The following GRM5 variants were observed in gnomAD, a reference collection of about 807,000 sequenced individuals.
GRM5 encodes metabotropic glutamate receptor 5.
A neutral mutation model predicts 83.1 loss-of-function variants in GRM5; 19 were observed. The ratio of observed to expected loss-of-function variants is 0.23; its 90% CI spans 0.16 to 0.34. The LOEUF (loss-of-function observed/expected upper bound fraction) is 0.34. Among genes scored for constraint, GRM5 ranks in the 10% least tolerant of loss-of-function variants. The probability of loss-of-function intolerance (pLI) is 1.00; values close to 1 mark genes in which losing one functional copy is unlikely to be tolerated. For missense variants in GRM5, 1,160 were observed against 1,588.3 expected, an observed-to-expected ratio of 0.73 and a Z score of 4.58; for synonymous variants, 675 against 633.6, an observed-to-expected ratio of 1.07 and a Z score of -0.98.
chr11:88,505,650 A>G lies in GRM5; in HGVS notation c.*2942T>C, dbSNP rs935101329. 6.6e-6 allele frequency: 1 copy of G among 152,160 alleles called. No individual in the cohort carries two copies. Among genetic ancestry groups the G allele is most frequent in the African/African-American group, 2.4e-5 (1 of 41,440 alleles). 9.4% of individuals were successfully genotyped at this position (152,160 alleles called of 1,614,324 possible). On this transcript the variant is annotated 3_prime_UTR_variant, in exon 10 of 10. Coordinates refer to ENST00000305447, the MANE Select transcript of GRM5 (RefSeq NM_001143831.3). ...TAGGCTGCCCCCACTCCTTTCCCAAAATGGAAGGATGAGTGGACTGCTTAG... is the reference window on the plus strand; with the variant it reads ...TAGGCTGCCCCCACTCCTTTCCCAAGATGGAAGGATGAGTGGACTGCTTAG...
intron 2 of GRM5, among the ~76,000 whole-genome samples, chr11:88,963,716 A>T (rs926088346): frequency 1.3e-5 from 2 of 152,096 alleles, no homozygotes; most frequent in Admixed American, 6.6e-5. Flanking sequence ...ATGGTATGTG[A>T]CCCTTTATTC....
At chr11:88,518,889 G>A (rs892636812) in intron 9 of GRM5, among the ~76,000 whole-genome samples, 1 of 150,648 alleles carries the variant, frequency 6.6e-6, no homozygotes, top group African/African-American at 2.4e-5. Flanking sequence ...AATTATCCAG[G>A]CACTTTTATT....
At chr11:88,828,329 T>C (rs1401959698) in intron 3 of GRM5, among the ~76,000 whole-genome samples, 1 of 152,198 alleles carries the variant, frequency 6.6e-6, no homozygotes, top group Non-Finnish European at 1.5e-5. Context: ...AGAATCCAGA[T>C]ATAATTGTTT....
chr11:89,023,544 G>A (rs1476417508), intron 2 of GRM5, among the ~76,000 whole-genome samples: 2 of 151,904 alleles, frequency 1.3e-5, no homozygotes, highest in African/African-American at 4.8e-5. Context: ...CCTTACAGTG[G>A]GTCAGTTAAG....
chr11:88,986,146 T>C (rs1939702060), intron 2 of GRM5, among the ~76,000 whole-genome samples: 1 of 152,188 alleles, frequency 6.6e-6, no homozygotes. Context: ...ATCCATCTCA[T>C]GGAGTACTAT....
intron 4 of GRM5, among the ~76,000 whole-genome samples, chr11:88,642,873 A>G (rs12278130): frequency 0.038 from 5,709 of 152,220 alleles, 343 homozygotes; most frequent in African/African-American, 0.13. Flanking sequence ...GGTCACTAAC[A>G]TTTAACTAGT....
chr11:88,601,770 A>G lies in GRM5; in HGVS notation c.1394+2948T>C, dbSNP rs529889948. On this transcript the variant is annotated intron_variant, in intron 5 of 9. Transcript: ENST00000305447. ...CACGCATCTTAAACTTTAATTCTCA[A>G]TGGAGTCCCTAAACCCGAGATTAGC... is the stretch of plus-strand genomic sequence containing the variant. 3.3e-5 allele frequency among the ~76,000 whole-genome samples: 5 copies of G among 152,272 alleles called. No individual in the cohort carries two copies. In the South Asian group the frequency reaches 6.2e-4, roughly 19 times the overall value.
chr11:88,877,428 A>C (rs1442599139), intron 2 of GRM5, among the ~76,000 whole-genome samples: 1 of 152,148 alleles, frequency 6.6e-6, no homozygotes, highest in East Asian at 1.9e-4. Flanking sequence ...TGAGAATATG[A>C]AATGGTATAG....
intron 8 of GRM5, among the ~76,000 whole-genome samples, chr11:88,564,763 G>T (rs1591351835): frequency 6.6e-6 from 1 of 152,214 alleles, no homozygotes; most frequent in East Asian, 1.9e-4. Flanking sequence ...GCAAGGTAAA[G>T]AAGGCCTCCA....
At chr11:88,732,294 C>T (rs906589702) in intron 3 of GRM5, among the ~76,000 whole-genome samples, 6 of 151,970 alleles carry the variant, frequency 3.9e-5, no homozygotes, top group Middle Eastern at 3.2e-3. Flanking sequence ...TAATGTTTTT[C>T]GAATGAATGA....
chr11:88,648,251 T>C (rs1038598199), intron 4 of GRM5, among the ~76,000 whole-genome samples: 26 of 149,462 alleles, frequency 1.7e-4, no homozygotes, highest in African/African-American at 4.6e-4. Context: ...TTGGAACCAA[T>C]CCAAATGTCC....
chr11:88,966,752 T>TC (rs1938979886), intron 2 of GRM5, among the ~76,000 whole-genome samples: 1 of 152,206 alleles, frequency 6.6e-6, no homozygotes, highest in South Asian at 2.1e-4. Context: ...CTTTGAAGTC[T>TC]CCCCCCTGGG....
At chr11:88,641,947 C>T (rs1294739251) in intron 4 of GRM5, among the ~76,000 whole-genome samples, 2 of 152,162 alleles carry the variant, frequency 1.3e-5, no homozygotes, top group African/African-American at 2.4e-5. Context: ...CACAGTTGCA[C>T]TAGGCAGTTC....
At chr11:88,750,588 A>C (rs1942248074) in intron 3 of GRM5, among the ~76,000 whole-genome samples, 2 of 151,620 alleles carry the variant, frequency 1.3e-5, no homozygotes, top group South Asian at 4.1e-4. Flanking sequence ...AGTGGCCCTG[A>C]TAGATATCTA....
intron 3 of GRM5, among the ~76,000 whole-genome samples, chr11:88,737,211 T>A (rs754529510): frequency 1.3e-5 from 2 of 152,052 alleles, no homozygotes; most frequent in African/African-American, 4.8e-5. Flanking sequence ...AGACACAGAT[T>A]TCATTGTGGA....
intron 4 of GRM5, among the ~76,000 whole-genome samples, chr11:88,609,016 C>A (rs1938244527): frequency 6.6e-6 from 1 of 152,066 alleles, no homozygotes; most frequent in Non-Finnish European, 1.5e-5. Flanking sequence ...TTTATTTAGG[C>A]TCAGGGGTAT....
At chr11:88,921,958 T>C (rs1373670066) in intron 2 of GRM5, among the ~76,000 whole-genome samples, 2 of 149,188 alleles carry the variant, frequency 1.3e-5, no homozygotes, top group African/African-American at 2.5e-5. Context: ...GTGAAAAATA[T>C]GAAAAAGAAA....
In GRM5 at chr11:88,980,407, C is replaced by G. The variant is rs373263719; in HGVS notation, c.661+66805G>C. ...GAACTATTGATGTCCTCAACCTAAT[C>G]ACTACCTCATGTTGGTGAAATATCT... On this transcript the variant is annotated intron_variant, in intron 2 of 9. Transcript: ENST00000305447. Among the ~76,000 whole-genome samples, 9 of 152,300 alleles carry G rather than the reference C, an allele frequency of 5.9e-5. No homozygotes were observed. The East Asian group carries it at 1.7e-3, about 29-fold the overall frequency.
chr11:88,984,047 A>C (rs12286973), intron 2 of GRM5, among the ~76,000 whole-genome samples: 15,294 of 152,194 alleles, frequency 0.1, 2,460 homozygotes, highest in African/African-American at 0.34. Context: ...TTATGATAAT[A>C]AAAAACTTAA....
Sources: gnomAD v4.1 joint callset for allele counts (sites outside exome capture counted in the v4.1 genomes callset) on GRCh38, gnomAD v4.1.1 for gene constraint, MANE v1.5 for transcripts, NCBI Gene and HGNC (gene_info 2026-07-23, HGNC 2026-07-21) for gene names.